Variants in ADGRB3 observed in about 807,000 individuals in gnomAD.
ADGRB3 encodes the protein adhesion G protein-coupled receptor B3.
ADGRB3 carries 37 observed loss-of-function variants against 193.4 expected under a neutral mutation model. That is an observed-to-expected ratio of 0.19 (90% CI 0.15 to 0.25). The LOEUF is 0.25. ADGRB3 is among the 10% of genes least tolerant of loss of function. ADGRB3 has a pLI of 1.00. For missense variants in ADGRB3, 1,637 were observed against 1,852.9 expected, an observed-to-expected ratio of 0.88 and a Z score of 2.14; for synonymous variants, 690 against 644.2, an observed-to-expected ratio of 1.07 and a Z score of -1.08.
chr6:69,196,406 T>C (rs150918247), intron 17 of ADGRB3, among the ~76,000 whole-genome samples: 72 of 152,202 alleles, frequency 4.7e-4, no homozygotes, highest in African/African-American at 1.7e-3. Context: ...TTTAATTTTT[T>C]CACACTTCCG....
rs188941284 is a variant in ADGRB3 at position 68,856,441 on chromosome 6, G to A, written c.758-74118G>A. On this transcript the variant is annotated intron_variant, in intron 3 of 31. Coordinates refer to ENST00000370598, the MANE Select transcript of ADGRB3 (RefSeq NM_001704.3). ...ATAGTTATATGAACAATAGGGTCCAGGTTGAGGTGGTCTCAGGTGGAGATG... is the reference window on the plus strand; with the variant it reads ...ATAGTTATATGAACAATAGGGTCCAAGTTGAGGTGGTCTCAGGTGGAGATG... Among the ~76,000 whole-genome samples the A allele has an allele frequency of 6.3e-4, 96 of 152,320 alleles. 1 individual carries two copies. Among genetic ancestry groups the A allele is most frequent in the African/African-American group, 2.1e-3 (87 of 41,578 alleles).
At chr6:69,156,666 C>T (rs1774848480) in intron 17 of ADGRB3, among the ~76,000 whole-genome samples, 1 of 152,128 alleles carries the variant, frequency 6.6e-6, no homozygotes, top group African/African-American at 2.4e-5. Flanking sequence ...TTTACACAAT[C>T]CCTTGGGTTC....
intron 3 of ADGRB3, among the ~76,000 whole-genome samples, chr6:68,733,242 A>G (rs1765806295): frequency 6.8e-6 from 1 of 147,956 alleles, no homozygotes; most frequent in Non-Finnish European, 1.5e-5. Context: ...ATATATATAT[A>G]AAATATATAT....
At chr6:68,765,433 C>A (rs180695095) in intron 3 of ADGRB3, among the ~76,000 whole-genome samples, 2 of 151,730 alleles carry the variant, frequency 1.3e-5, no homozygotes, top group South Asian at 4.2e-4. Context: ...CTATTAACAC[C>A]GATCGCATTT....
At chr6:68,807,718 ATATAT>A (rs1767434114) in intron 3 of ADGRB3, among the ~76,000 whole-genome samples, 1 of 152,158 alleles carries the variant, frequency 6.6e-6, no homozygotes, top group Non-Finnish European at 1.5e-5. Context: ...AAATGTTTAC[ATATAT>A]TATACTTAAG....
At chr6:69,065,548 G>A (rs1274149104) in intron 16 of ADGRB3, among the ~76,000 whole-genome samples, 1 of 152,006 alleles carries the variant, frequency 6.6e-6, no homozygotes, top group African/African-American at 2.4e-5. Context: ...TGTTCACTAA[G>A]GGAGGGAATA....
chr6:68,893,481 C>T (rs892502083), intron 3 of ADGRB3, among the ~76,000 whole-genome samples: 3 of 149,882 alleles, frequency 2.0e-5, no homozygotes, highest in African/African-American at 7.3e-5. Context: ...AGGGTACATA[C>T]CTACTGATAA....
intron 3 of ADGRB3, among the ~76,000 whole-genome samples, chr6:68,658,411 C>T (rs914998966): frequency 1.4e-4 from 21 of 151,188 alleles, no homozygotes; most frequent in African/African-American, 5.1e-4. Context: ...TCCAGATATG[C>T]TTAGTGGCCT....
chr6:68,957,368 T>C (rs1768104523), intron 8 of ADGRB3, among the ~76,000 whole-genome samples: 2 of 152,208 alleles, frequency 1.3e-5, no homozygotes, highest in Admixed American at 6.5e-5. Flanking sequence ...CAGGATCATT[T>C]AGAACAAAAA....
At chr6:69,211,322 A>G (rs1765662439) in intron 17 of ADGRB3, among the ~76,000 whole-genome samples, 1 of 152,068 alleles carries the variant, frequency 6.6e-6, no homozygotes, top group African/African-American at 2.4e-5. Context: ...GGGAATCTAT[A>G]CCCCTGATGC....
chr6:69,334,429 A>G (rs963647598), intron 24 of ADGRB3, among the ~76,000 whole-genome samples: 3 of 152,206 alleles, frequency 2.0e-5, no homozygotes, highest in African/African-American at 7.2e-5. Context: ...AACATTAGAA[A>G]TGCAATAGCG....
At position 69,235,078 on chromosome 6, in the gene ADGRB3, G is replaced by A. The variant is rs1466891174; in HGVS notation, c.2654G>A (p.Ser885Asn). The A allele has an allele frequency of 1.2e-6, 2 of 1,613,388 alleles. No individual in the cohort carries two copies. The highest frequency in any genetic ancestry group is 2.7e-5 in the African/African-American group (2 of 75,028). Residue 885 changes from serine (S) to asparagine (N), a missense_variant, in exon 19 of 32, where the codon AGT becomes AAT. Transcript: ENST00000370598. The part of the protein sequence containing the change: ...GTPSVTLIVG[S>N]GLSCLALITL... ...CCTTCAGTTACCCTAATAGTAGGCA[G>A]TGGTCTTTCTTGCTTGGCCTTGATT...
intron 12 of ADGRB3, among the ~76,000 whole-genome samples, chr6:69,014,562 T>C (rs1424286625): frequency 6.6e-6 from 1 of 152,000 alleles, no homozygotes; most frequent in African/African-American, 2.4e-5. Context: ...CCAAAAATTA[T>C]GTTATGATTT....
intron 20 of ADGRB3, among the ~76,000 whole-genome samples, chr6:69,310,493 A>C (rs1768167340): frequency 6.6e-6 from 1 of 151,718 alleles, no homozygotes; most frequent in Non-Finnish European, 1.5e-5. Context: ...ATAGTAATAA[A>C]ATTTAGCTAC....
intron 3 of ADGRB3, among the ~76,000 whole-genome samples, chr6:68,884,074 G>C (rs1412958652): frequency 6.6e-6 from 1 of 152,194 alleles, no homozygotes; most frequent in Non-Finnish European, 1.5e-5. Flanking sequence ...TGTGACACCT[G>C]AGCTCCTTCT....
intron 3 of ADGRB3, among the ~76,000 whole-genome samples, chr6:68,923,904 T>G (rs1767112329): frequency 6.6e-6 from 1 of 152,076 alleles, no homozygotes; most frequent in Non-Finnish European, 1.5e-5. Context: ...AAGAAACACA[T>G]TAGCAACAAG....
chr6:68,772,890 AAAAAATAT>A lies in ADGRB3; in HGVS notation c.757+133460_757+133467del, dbSNP rs1237581548. On this transcript the variant is annotated intron_variant, in intron 3 of 31. Coordinates refer to ENST00000370598, the MANE Select transcript of ADGRB3 (RefSeq NM_001704.3). ...ACAAACAAACAAACAAACAAAAAAAAAAAAATATATATATATATATATATATATATATA... is the reference window on the plus strand; with the variant it reads ...ACAAACAAACAAACAAACAAAAAAAAATATATATATATATATATATATATA... Among the ~76,000 whole-genome samples, 390 of 45,994 alleles carry A rather than the reference AAAAAATAT, an allele frequency of 8.5e-3. 3 individuals are homozygous for A. The highest frequency in any genetic ancestry group is 0.022 in the Admixed American group (76 of 3,386). 30.2% of individuals were successfully genotyped at this position (45,994 alleles called of 152,430 possible). A position where few individuals can be genotyped will look rare whatever the true frequency, so the allele number is the denominator to read the frequency against.
At position 68,670,492 on chromosome 6, in the gene ADGRB3, C is replaced by T. The variant is rs574289430; in HGVS notation, c.757+31060C>T. Among the ~76,000 whole-genome samples, 7 of 151,948 alleles carry T rather than the reference C, an allele frequency of 4.6e-5. No homozygotes were observed. The South Asian group carries it at 1.2e-3, about 27-fold the overall frequency. On this transcript the variant is annotated intron_variant, in intron 3 of 31. Coordinates refer to ENST00000370598, the MANE Select transcript of ADGRB3 (RefSeq NM_001704.3). ...GTGTTGTTGTTCTGCATATGGATAT[C>T]CAGTTTTCCCAGTAACATTTTTTGA...
intron 17 of ADGRB3, among the ~76,000 whole-genome samples, chr6:69,113,855 G>T (rs910278913): frequency 6.6e-6 from 1 of 152,258 alleles, no homozygotes; most frequent in Non-Finnish European, 1.5e-5. Flanking sequence ...GATTTAGATA[G>T]ATATTAATGA....
Sources: gnomAD v4.1 joint callset for allele counts (sites outside exome capture counted in the v4.1 genomes callset) on GRCh38, gnomAD v4.1.1 for gene constraint, MANE v1.5 for transcripts, NCBI Gene and HGNC (gene_info 2026-07-23, HGNC 2026-07-21) for gene names.